The following TBL1X variants were observed in gnomAD, a reference collection of about 807,000 sequenced individuals.
The protein encoded by TBL1X is F-box-like/WD repeat-containing protein TBL1X.
TBL1X carries 10 observed loss-of-function variants against 50.7 expected under a neutral mutation model. That is an observed-to-expected ratio of 0.20 (90% CI 0.12 to 0.33). The LOEUF (loss-of-function observed/expected upper bound fraction) is 0.33, where lower values mean the gene tolerates loss of function less well. TBL1X is among the 10% of genes least tolerant of loss of function. The pLI is 1.00. For missense variants in TBL1X, 340 were observed against 504.4 expected, an observed-to-expected ratio of 0.67 and a Z score of 3.12; for synonymous variants, 190 against 214.7, an observed-to-expected ratio of 0.88 and a Z score of 1.01.
chrX:9,501,456 G>A (rs781700307), intron 1 of TBL1X, among the ~76,000 whole-genome samples: 1 of 111,656 alleles, frequency 9.0e-6, no homozygotes, highest in East Asian at 2.8e-4. Context: ...GGGCCTCAGC[G>A]AGATGGCAAA....
intron 2 of TBL1X, among the ~76,000 whole-genome samples, chrX:9,624,699 C>G (rs772010953): frequency 3.6e-5 from 4 of 111,631 alleles, no homozygotes; most frequent in Non-Finnish European, 5.6e-5. Context: ...TTCTATTAGA[C>G]TGGTAAAGTG....
chrX:9,711,862 C>T, intron 16 of TBL1X, 86 bp downstream of exon 16: 2 of 1,021,508 alleles, frequency 2.0e-6, no homozygotes, highest in South Asian at 5.5e-5. Context: ...CAGAGCAGTG[C>T]CCCGGAGGGA....
chrX:9,630,964 A>G (rs1036203064), intron 2 of TBL1X, among the ~76,000 whole-genome samples: 1 of 110,717 alleles, frequency 9.0e-6, no homozygotes, highest in South Asian at 3.7e-4. Flanking sequence ...TCAACAACAT[A>G]TAATCAATAT....
At chrX:9,531,714 G>A (rs1403825494) in intron 2 of TBL1X, among the ~76,000 whole-genome samples, 2 of 108,615 alleles carry the variant, frequency 1.8e-5, no homozygotes, top group African/African-American at 6.8e-5. Flanking sequence ...AGACCAGCCT[G>A]GGCAACATAA....
At chrX:9,502,634 C>T (rs1044504195) in intron 2 of TBL1X, among the ~76,000 whole-genome samples, 1 of 112,695 alleles carries the variant, frequency 8.9e-6, no homozygotes, top group African/African-American at 3.2e-5. Context: ...AGATTACTGT[C>T]TCCAATTGCT....
intron 1 of TBL1X, among the ~76,000 whole-genome samples, chrX:9,497,939 C>G (rs991696995): frequency 1.0e-5 from 1 of 95,855 alleles, no homozygotes; most frequent in Non-Finnish European, 2.1e-5. Context: ...GCTAAGTTTC[C>G]CAGGCTGGTC....
chrX:9,651,424 A>G (rs1372795535), intron 3 of TBL1X, among the ~76,000 whole-genome samples: 1 of 112,071 alleles, frequency 8.9e-6, no homozygotes, highest in Non-Finnish European at 1.9e-5. Flanking sequence ...TTCAGTCACC[A>G]GAAGTTAATG....
rs760002759 is a variant in TBL1X, at chrX:9,680,912, A to T, written c.212-3131A>T. On this transcript the variant is annotated intron_variant, in intron 5 of 17. Coordinates refer to ENST00000645353, the MANE Select transcript of TBL1X (RefSeq NM_005647.4). ...CACAGGATATTCCTTTCGGCAGACG[A>T]CTTTCAGCTCTTTGCAGAAGTCTCA... 7.1e-5 allele frequency among the ~76,000 whole-genome samples: 8 copies of T among 112,287 alleles called. No individual in the cohort carries two copies. In the South Asian group the frequency reaches 2.9e-3, roughly 41 times the overall value.
chrX:9,612,035 G>A (rs947105940), intron 2 of TBL1X, among the ~76,000 whole-genome samples: 3 of 112,847 alleles, frequency 2.7e-5, no homozygotes, highest in Non-Finnish European at 5.6e-5. Flanking sequence ...TCTGAAGCCC[G>A]CAAACATTCG....
At chrX:9,570,017 T>C (rs1193088116) in intron 2 of TBL1X, among the ~76,000 whole-genome samples, 1 of 111,886 alleles carries the variant, frequency 8.9e-6, no homozygotes, top group African/African-American at 3.3e-5. Flanking sequence ...GCTGCTAATC[T>C]ATCTTATTAA....
chrX:9,706,059 C>T (rs2083205723), intron 13 of TBL1X, among the ~76,000 whole-genome samples: 1 of 110,774 alleles, frequency 9.0e-6, no homozygotes, highest in Admixed American at 9.7e-5. Context: ...AGGACAAAAA[C>T]TCACGAAGAC....
chrX:9,638,902 C>G (rs1475765021), intron 2 of TBL1X, among the ~76,000 whole-genome samples: 1 of 111,168 alleles, frequency 9.0e-6, no homozygotes, highest in Non-Finnish European at 1.9e-5. Context: ...TGTCCTGTTT[C>G]ATCCCCACTG....
intron 2 of TBL1X, among the ~76,000 whole-genome samples, chrX:9,550,094 T>C (rs2082263669): frequency 9.0e-6 from 1 of 111,375 alleles, no homozygotes; most frequent in Non-Finnish European, 1.9e-5. Context: ...ACTGCTCTCA[T>C]TTCCAGAGTC....
intron 2 of TBL1X, among the ~76,000 whole-genome samples, chrX:9,633,944 T>G (rs1314169324): frequency 9.0e-6 from 1 of 111,173 alleles, no homozygotes; most frequent in Admixed American, 9.5e-5. Flanking sequence ...GTTCACAGGA[T>G]ACGTGCTGCC....
chrX:9,630,668 C>T (rs887524916), intron 2 of TBL1X, among the ~76,000 whole-genome samples: 24 of 111,495 alleles, frequency 2.2e-4, no homozygotes, highest in African/African-American at 7.5e-4. Context: ...CCCTTCCTCC[C>T]GGGCTCAGGT....
At chrX:9,707,470 G>C (rs774309968) in intron 13 of TBL1X, among the ~76,000 whole-genome samples, 4 of 112,567 alleles carry the variant, frequency 3.6e-5, no homozygotes, top group Non-Finnish European at 7.5e-5. Flanking sequence ...CCTTTAAGTG[G>C]GTCTTAATGT....
At chrX:9,512,359 C>T (rs898918998) in intron 2 of TBL1X, among the ~76,000 whole-genome samples, 3 of 111,750 alleles carry the variant, frequency 2.7e-5, no homozygotes, top group African/African-American at 9.8e-5. Flanking sequence ...ATGACCAATG[C>T]AGCTTTCAAG....
intron 3 of TBL1X, among the ~76,000 whole-genome samples, chrX:9,650,568 C>T (rs1015451045): frequency 1.8e-5 from 2 of 111,663 alleles, no homozygotes; most frequent in African/African-American, 6.5e-5. Context: ...CAGGCTGACT[C>T]GTCCTTTGTA....
chrX:9,497,844 TC>T (rs1241989589), intron 1 of TBL1X, among the ~76,000 whole-genome samples: 9 of 42,096 alleles, frequency 2.1e-4, no homozygotes, highest in Admixed American at 8.3e-4. Context: ...CTTTTCTTTC[TC>T]TCTCTCTCTG....
Sources: gnomAD v4.1 joint callset for allele counts (sites outside exome capture counted in the v4.1 genomes callset) on GRCh38, gnomAD v4.1.1 for gene constraint, MANE v1.5 for transcripts, NCBI Gene and HGNC (gene_info 2026-07-23, HGNC 2026-07-21) for gene names.